WDR27: variants seen among roughly 807,000 people sequenced by gnomAD.
WDR27 encodes WD repeat domain 27, also known as WD repeat-containing protein 27.
WDR27 carries 100 observed loss-of-function variants against 114.4 expected under a neutral mutation model. That is an observed-to-expected ratio of 0.87 (90% CI 0.74 to 1.03). The LOEUF is 1.03. Among genes scored for constraint, WDR27 ranks in the 50% least tolerant of loss-of-function variants. WDR27 has a pLI of 0.00. For missense variants in WDR27, 1,129 were observed against 1,092.9 expected (o/e 1.03, Z -0.47); for synonymous variants, 449 against 423.1 (o/e 1.06, Z -0.75).
At chr6:169,624,552 A>G (rs1584685189) in intron 21 of WDR27, among the ~76,000 whole-genome samples, 1 of 152,206 alleles carries the variant, frequency 6.6e-6, no homozygotes, top group African/African-American at 2.4e-5. Flanking sequence ...AGCCAGGGAC[A>G]TGCAGGACCT....
chr6:169,673,631 A>G (rs1389513082), intron 2 of WDR27, among the ~76,000 whole-genome samples: 1 of 152,070 alleles, frequency 6.6e-6, no homozygotes, highest in Non-Finnish European at 1.5e-5. Context: ...TTTTCTGACA[A>G]TTCCACTAAA....
chr6:169,571,555 C>T (rs80166226), intron 25 of WDR27, among the ~76,000 whole-genome samples: 5,780 of 152,304 alleles, frequency 0.038, 161 homozygotes, highest in East Asian at 0.082. Flanking sequence ...GGGCCACGTG[C>T]GGCAGCTCGC....
chr6:169,521,255 A>G lies in WDR27; in HGVS notation c.2645+51164T>C, dbSNP rs1769156986. 2.6e-5 allele frequency among the ~76,000 whole-genome samples: 4 copies of G among 152,280 alleles called. 1 individual carries two copies. In the Middle Eastern group the frequency reaches 0.014, roughly 518 times the overall value. ...TGACATTTTCAAAGTGCTGAAAGAA[A>G]AAAAAAATAACTTATATCCAAGAAT... On this transcript the variant is annotated intron_variant, in intron 25 of 25. Coordinates refer to ENST00000448612, the MANE Select transcript of WDR27 (RefSeq NM_182552.5).
At chr6:169,488,270 A>T (rs1789221603) in intron 25 of WDR27, among the ~76,000 whole-genome samples, 1 of 152,220 alleles carries the variant, frequency 6.6e-6, no homozygotes, top group African/African-American at 2.4e-5. Flanking sequence ...CTGTTGCTGG[A>T]GAGGCAGCCA....
At position 169,591,098 on chromosome 6, in the gene WDR27, C is replaced by T. The variant is rs1250540065; in HGVS notation, c.2425-8164G>A. On this transcript the variant is annotated intron_variant, in intron 23 of 25. Coordinates refer to ENST00000448612, the MANE Select transcript of WDR27 (RefSeq NM_182552.5). The stretch of plus-strand genomic sequence containing the variant: ...TGGCTACCTCATTTTGCATTCCCAC[C>T]GACTGTGCGGGAGCTCCCCTTTCTC... 2.6e-5 allele frequency among the ~76,000 whole-genome samples: 4 copies of T among 152,148 alleles called. No homozygotes were observed. In the East Asian group the frequency reaches 5.8e-4, roughly 22 times the overall value.
chr6:169,480,753 G>C (rs543064780), intron 25 of WDR27, among the ~76,000 whole-genome samples: 1 of 151,926 alleles, frequency 6.6e-6, no homozygotes, highest in Non-Finnish European at 1.5e-5. Flanking sequence ...TAATCTAATG[G>C]GGACTTGGAG....
the WDR27 span, among the ~76,000 whole-genome samples, chr6:169,427,306 C>T: frequency 6.6e-6 from 1 of 152,064 alleles, no homozygotes; most frequent in African/African-American, 2.4e-5. Context: ...GAGTCAAGTC[C>T]CTGGGATTTA....
chr6:169,529,312 CG>C (rs10718481), intron 25 of WDR27, among the ~76,000 whole-genome samples: 33,049 of 115,012 alleles, frequency 0.29, 6,320 homozygotes, highest in South Asian at 0.45. Context: ...GTGACCTCTG[CG>C]GGGGGGGGGG....
intron 25 of WDR27, among the ~76,000 whole-genome samples, chr6:169,566,550 T>TGG (rs1357415553): frequency 5.3e-5 from 8 of 152,246 alleles, no homozygotes; most frequent in African/African-American, 1.9e-4. Flanking sequence ...GACCATTAAT[T>TGG]GGTTCTCACT....
At chr6:169,447,203 C>A in the WDR27 span, among the ~76,000 whole-genome samples, 2 of 152,270 alleles carry the variant, frequency 1.3e-5, no homozygotes, top group African/African-American at 4.8e-5. Context: ...CCAAATTTAA[C>A]AACATTTTTC....
At chr6:169,674,876 G>A (rs2128303231) in intron 2 of WDR27, among the ~76,000 whole-genome samples, 1 of 152,282 alleles carries the variant, frequency 6.6e-6, no homozygotes, top group East Asian at 1.9e-4. Context: ...ATAGGATTTG[G>A]GTAGGTAAAG....
At chr6:169,531,160 A>T (rs1795546028) in intron 25 of WDR27, among the ~76,000 whole-genome samples, 1 of 152,244 alleles carries the variant, frequency 6.6e-6, no homozygotes, top group Non-Finnish European at 1.5e-5. Context: ...TTTTGTACAT[A>T]AAAATGTACC....
intron 21 of WDR27, among the ~76,000 whole-genome samples, chr6:169,630,953 A>C (rs1238767843): frequency 1.3e-5 from 2 of 152,198 alleles, no homozygotes; most frequent in African/African-American, 2.4e-5. Flanking sequence ...AAAAGTTAGT[A>C]ACTCAATTAT....
chr6:169,677,791 C>T lies in WDR27; in HGVS notation c.190-5395G>A, dbSNP rs1055213461. ...CCACACAGCCTCAGGACACTGCTCCCGTCTCCAGCTCTGGCCTCAGCTCAG... is the reference window on the plus strand; with the variant it reads ...CCACACAGCCTCAGGACACTGCTCCTGTCTCCAGCTCTGGCCTCAGCTCAG... On this transcript the variant is annotated intron_variant, in intron 2 of 25. Coordinates refer to ENST00000448612, the MANE Select transcript of WDR27 (RefSeq NM_182552.5). Among the ~76,000 whole-genome samples the T allele has an allele frequency of 3.9e-5, 6 of 152,360 alleles. No homozygotes were observed. The East Asian group carries it at 9.6e-4, about 25-fold the overall frequency.
At chr6:169,554,626 G>A (rs538583858) in intron 25 of WDR27, among the ~76,000 whole-genome samples, 5 of 152,110 alleles carry the variant, frequency 3.3e-5, no homozygotes, top group South Asian at 2.1e-4. Context: ...CACTGTTCCC[G>A]TGTGGCTTCT....
chr6:169,701,860 AG>A lies in WDR27; in HGVS notation c.-318del. 1 of 339,074 alleles carries A rather than the reference AG, an allele frequency of 2.9e-6. No individual in the cohort carries two copies. Among genetic ancestry groups the A allele is most frequent in the Non-Finnish European group, 5.8e-6 (1 of 172,540 alleles). 21.0% of individuals were successfully genotyped at this position (339,074 alleles called of 1,614,324 possible). A position where few individuals can be genotyped will look rare whatever the true frequency, so the allele number is the denominator to read the frequency against. Reference sequence around the variant, plus strand: ...GCCCTGCGCCCTAGGCACACGCCCCAGAGCAGCAGCTCGGGTTCGGCGCCGA... The same window carrying A: ...GCCCTGCGCCCTAGGCACACGCCCCAAGCAGCAGCTCGGGTTCGGCGCCGA... On this transcript the variant is annotated 5_prime_UTR_variant, in exon 1 of 26. Transcript: ENST00000448612.
chr6:169,695,186 C>A (rs1053772610), intron 1 of WDR27, among the ~76,000 whole-genome samples: 1 of 152,162 alleles, frequency 6.6e-6, no homozygotes, highest in Non-Finnish European at 1.5e-5. Flanking sequence ...ATCATTGGTG[C>A]TGGAGCCTAA....
At chr6:169,597,999 A>T (rs1315674713) in intron 23 of WDR27, among the ~76,000 whole-genome samples, 1 of 151,972 alleles carries the variant, frequency 6.6e-6, no homozygotes, top group Admixed American at 6.6e-5. Flanking sequence ...TCCTTCAGAG[A>T]AAAAGTACCT....
chr6:169,596,194 A>G (rs1269266019), intron 23 of WDR27, among the ~76,000 whole-genome samples: 1 of 152,050 alleles, frequency 6.6e-6, no homozygotes, highest in Non-Finnish European at 1.5e-5. Context: ...CTATCATAGT[A>G]TTTGTTCTGT....
Sources: allele counts gnomAD v4.1 joint callset (sites outside exome capture counted in the v4.1 genomes callset), GRCh38; gene constraint gnomAD v4.1.1; transcripts MANE v1.5; gene names NCBI Gene and HGNC (gene_info 2026-07-23, HGNC 2026-07-21).